SCAF4: variants seen among roughly 807,000 people sequenced by gnomAD.
SCAF4 encodes SR-related CTD associated factor 4, also known as SR-related and CTD-associated factor 4.
A neutral mutation model predicts 129.8 loss-of-function variants in SCAF4; 25 were observed. That is an observed-to-expected ratio of 0.19 (90% CI 0.14 to 0.27). The LOEUF is 0.27. Ranked by LOEUF, SCAF4 falls within the 10% of genes least tolerant of loss-of-function variation. SCAF4 has a pLI of 1.00. For synonymous variants in SCAF4, 551 were observed against 497.7 expected (o/e 1.11, Z -1.43); for missense variants, 1,246 against 1,457.1 (o/e 0.86, Z 2.36).
chr21:31,684,768 C>A (rs1048906831), intron 19 of SCAF4: 2 of 400,478 alleles, frequency 5.0e-6, no homozygotes, highest in Non-Finnish European at 9.2e-6. Flanking sequence ...TTTTTCTATA[C>A]CAAATAAGGA....
chr21:31,724,722 G>C (rs750497559), intron 1 of SCAF4, among the ~76,000 whole-genome samples: 68 of 151,714 alleles, frequency 4.5e-4, no homozygotes, highest in Non-Finnish European at 8.8e-4. Context: ...ATGTGGTAAA[G>C]AAAACAAACA....
chr21:31,688,348 G>C lies in SCAF4; in HGVS notation c.2002C>G (p.Pro668Ala). 1.2e-6 allele frequency: 2 copies of C among 1,613,324 alleles called. No individual in the cohort carries two copies. The highest frequency in any genetic ancestry group is 4.5e-5 in the East Asian group (2 of 44,854). Residue 668 changes from proline to alanine, a missense_variant, in exon 16 of 20, where the codon CCT becomes GCT. By Grantham distance (27) the Pro-to-Ala change is conservative. Coordinates refer to ENST00000286835, the MANE Select transcript of SCAF4 (RefSeq NM_020706.2). ...GTTATAGGTGCAGGAACAGGAATAG[G>C]AGGGACAGGCACAGGTAATGGTTTA... Reference protein sequence around the residue: ...IPKPLPVPVPPIPVPAPITVP... With the variant: ...IPKPLPVPVPAIPVPAPITVP...
chr21:31,731,191 G>A (rs556805855), intron 1 of SCAF4, among the ~76,000 whole-genome samples: 9 of 152,304 alleles, frequency 5.9e-5, no homozygotes, highest in African/African-American at 1.7e-4. Flanking sequence ...AGCAACAGGA[G>A]AGCTGAAGCC....
At chr21:31,705,376 A>G (rs1459100716) in intron 3 of SCAF4, 47 bp downstream of exon 3, 1 of 901,788 alleles carries the variant, frequency 1.1e-6, no homozygotes, top group Admixed American at 2.9e-5. Context: ...AAAGTAAATT[A>G]CAAATCATAT....
Position 31,678,089 on chromosome 21 carries a change from G to A in SCAF4, c.2489-5735C>T, listed in dbSNP as rs2049904545. Among the ~76,000 whole-genome samples the A allele has an allele frequency of 2.0e-5, 3 of 151,984 alleles. No individual in the cohort carries two copies. In the South Asian group the frequency reaches 6.2e-4, roughly 32 times the overall value. ...CTTAGGTAATCTCACAGGCTCCTGC[G>A]GCTTTAAATATTATCTTTATCTGCT... On this transcript the variant is annotated intron_variant, in intron 19 of 19. Transcript: ENST00000286835.
At chr21:31,729,292 T>G (rs1221288688) in intron 1 of SCAF4, among the ~76,000 whole-genome samples, 2 of 152,226 alleles carry the variant, frequency 1.3e-5, no homozygotes, top group African/African-American at 2.4e-5. Context: ...CACTGCTTCC[T>G]ACATCTTCTG....
At chr21:31,723,645 C>CTT (rs2051133768) in intron 1 of SCAF4, among the ~76,000 whole-genome samples, 1 of 148,066 alleles carries the variant, frequency 6.8e-6, no homozygotes, top group Non-Finnish European at 1.5e-5. Flanking sequence ...CGCGCGCGCG[C>CTT]GCACATACAG....
rs1444805252 is a variant in SCAF4, at chr21:31,731,751, G to A, written c.-59C>T. The stretch of plus-strand genomic sequence containing the variant: ...CCGGTCACATAGACCTCGCGCCGCG[G>A]CGGAGCGGGGCTGGGAAACCAGCCG... On this transcript the variant is annotated 5_prime_UTR_variant, in exon 1 of 20. Transcript: ENST00000286835. 3 of 1,543,644 alleles carry A rather than the reference G, an allele frequency of 1.9e-6. No homozygotes were observed. The highest frequency in any genetic ancestry group is 1.2e-5 in the South Asian group (1 of 84,930).
chr21:31,722,452 C>T (rs1225452741), intron 1 of SCAF4, among the ~76,000 whole-genome samples: 5 of 152,010 alleles, frequency 3.3e-5, no homozygotes, highest in Admixed American at 3.3e-4. Flanking sequence ...CAGAATCGGC[C>T]TCAAACAAAT....
At position 31,672,011 on chromosome 21, in the gene SCAF4, C is replaced by T. The variant is rs556908812; in HGVS notation, c.2832G>A (p.Pro944=). 4.6e-5 allele frequency: 74 copies of T among 1,611,750 alleles called. No individual in the cohort carries two copies. The South Asian group carries it at 5.9e-4, about 13-fold the overall frequency. ...GCTGTGGCTGCTGCTGTGGCTGCTG[C>T]GGCGGCTGTTGCCTTCCGTCTCTGT... ...PEDRDGRQQP[P]QQPQQQPQPQ... is the part of the protein sequence containing the mutation. Residue 944 remains proline (P), a synonymous_variant, in exon 20 of 20, where the codon CCG becomes CCA. Transcript: ENST00000286835.
rs1298964786 is a variant in SCAF4, at chr21:31,696,193, G to A, written c.988C>T (p.Pro330Ser). Residue 330 changes from proline (P) to serine (S), a missense_variant, in exon 9 of 20, where the codon CCA becomes TCA. Physicochemically the swap from Pro to Ser is moderately conservative, Grantham distance 74. Around this residue, in one of 6 missense-constraint regions of SCAF4, gnomAD observed 236 missense variants for 210.0 expected, o/e 1.12. Transcript: ENST00000286835. Reference sequence around the variant, plus strand: ...ATATTTTGATGCTGTGTGTATGCTGGCTGCTGCATGCCATCTCCAGGAAAG... The same window carrying A: ...ATATTTTGATGCTGTGTGTATGCTGACTGCTGCATGCCATCTCCAGGAAAG... The part of the protein sequence containing the change: ...FGFPGDGMQQ[P>S]AYTQHQNMDQ... 1.9e-6 allele frequency: 3 copies of A among 1,613,560 alleles called. No individual in the cohort carries two copies. The highest frequency in any genetic ancestry group is 2.5e-6 in the Non-Finnish European group (3 of 1,179,782).
chr21:31,717,862 C>CATATAT (rs2050961313), intron 1 of SCAF4, among the ~76,000 whole-genome samples: 1 of 125,326 alleles, frequency 8.0e-6, no homozygotes, highest in African/African-American at 3.4e-5. Context: ...CACACACACA[C>CATATAT]ACACACACAT....
At chr21:31,692,582 A>C in intron 12 of SCAF4, 133 bp from the exon 13 acceptor site, 1 of 561,496 alleles carries the variant, frequency 1.8e-6, no homozygotes, top group Non-Finnish European at 3.1e-6. Context: ...AGTAAATCTC[A>C]CATACATTTT....
intron 1 of SCAF4, among the ~76,000 whole-genome samples, chr21:31,707,798 AT>A (rs1601243347): frequency 6.6e-6 from 1 of 152,244 alleles, no homozygotes; most frequent in African/African-American, 2.4e-5. Context: ...TATCCTAAAA[AT>A]TTAGACAATT....
At position 31,706,752 on chromosome 21, in the gene SCAF4, A is replaced by G. The variant is rs191258509; in HGVS notation, c.31-395T>C. ...AGGGAAAGGGAGGGGGAGCAAAGAG[A>G]AAACAGACTCAAGTGACTAACCAAG... is the stretch of plus-strand genomic sequence containing the variant. On this transcript the variant is annotated intron_variant, in intron 1 of 19. Transcript: ENST00000286835. The G allele has an allele frequency of 4.7e-4, 111 of 235,924 alleles. 1 individual carries two copies. The highest frequency in any genetic ancestry group is 1.9e-3 in the Middle Eastern group (4 of 2,086). The allele number at this position is 235,924 out of a possible 1,614,324, so 14.6% of individuals were successfully genotyped here. A position where few individuals can be genotyped will look rare whatever the true frequency, so the allele number is the denominator to read the frequency against.
At chr21:31,724,723 AAAAC>A (rs1203169718) in intron 1 of SCAF4, among the ~76,000 whole-genome samples, 5 of 151,978 alleles carry the variant, frequency 3.3e-5, no homozygotes, top group African/African-American at 9.7e-5. Flanking sequence ...TGTGGTAAAG[AAAAC>A]AAACAAAAAA....
At chr21:31,712,870 T>C in intron 1 of SCAF4, 1 of 973,114 alleles carries the variant, frequency 1.0e-6, no homozygotes, top group Non-Finnish European at 1.2e-6. Flanking sequence ...TGGCCTTCTT[T>C]ATAAAACTGT....
chr21:31,710,347 G>A (rs937594313), intron 1 of SCAF4, among the ~76,000 whole-genome samples: 2 of 151,990 alleles, frequency 1.3e-5, no homozygotes, highest in South Asian at 2.1e-4. Flanking sequence ...TCAGGAGTTC[G>A]AGACCGGCCT....
At chr21:31,727,280 A>G (rs529759015) in intron 1 of SCAF4, among the ~76,000 whole-genome samples, 33 of 151,844 alleles carry the variant, frequency 2.2e-4, no homozygotes, top group African/African-American at 7.7e-4. Flanking sequence ...GGGTTTCACC[A>G]TGTTAGCCAG....
Sources: allele counts gnomAD v4.1 joint callset (sites outside exome capture counted in the v4.1 genomes callset), GRCh38; gene constraint gnomAD v4.1.1; regional missense constraint gnomAD v4.1.1; transcripts MANE v1.5; gene names NCBI Gene and HGNC (gene_info 2026-07-23, HGNC 2026-07-21).